The following ALG14 variants were observed in gnomAD, a reference collection of about 807,000 sequenced individuals.
The protein encoded by ALG14 is UDP-N-acetylglucosamine transferase subunit ALG14.
ALG14 carries 17 observed loss-of-function variants against 22.8 expected under a neutral mutation model. The ratio of observed to expected loss-of-function variants is 0.75; its 90% CI spans 0.51 to 1.12. ALG14 has a LOEUF of 1.12. Among genes scored for constraint, ALG14 ranks in the 50% most tolerant of loss-of-function variants. The probability of loss-of-function intolerance (pLI) is 0.00; values close to 1 mark genes in which losing one functional copy is unlikely to be tolerated. For synonymous variants in ALG14, 89 were observed against 103.7 expected, an observed-to-expected ratio of 0.86 and a Z score of 0.86; for missense variants, 288 against 271.8, an observed-to-expected ratio of 1.06 and a Z score of -0.42.
At chr1:95,019,521 G>T (rs1279732475) in intron 3 of ALG14, among the ~76,000 whole-genome samples, 2 of 152,094 alleles carry the variant, frequency 1.3e-5, no homozygotes, top group Non-Finnish European at 2.9e-5. Context: ...TCCTTTTGAA[G>T]AACATTTTAA....
At chr1:95,051,695 C>T (rs985935940) in intron 2 of ALG14, among the ~76,000 whole-genome samples, 7 of 152,170 alleles carry the variant, frequency 4.6e-5, no homozygotes, top group African/African-American at 1.4e-4. Context: ...CATGGACTCT[C>T]GCTATTTTAC....
At chr1:95,007,010 G>T (rs377572334) in intron 3 of ALG14, among the ~76,000 whole-genome samples, 3 of 152,272 alleles carry the variant, frequency 2.0e-5, no homozygotes, top group East Asian at 3.9e-4. Flanking sequence ...ATATATAACT[G>T]TATTTCCTAA....
chr1:95,040,021 T>C (rs925156282), intron 2 of ALG14, among the ~76,000 whole-genome samples: 7 of 151,352 alleles, frequency 4.6e-5, no homozygotes, highest in Non-Finnish European at 1.0e-4. Context: ...AAAAATACAA[T>C]ATTAGCCAGG....
In ALG14 at chr1:94,978,579, G is replaced by A. The variant is rs536200971; in HGVS notation, c.*4497C>T. 2.6e-5 allele frequency: 4 copies of A among 152,318 alleles called. No individual in the cohort carries two copies. In the East Asian group the frequency reaches 5.8e-4, roughly 22 times the overall value. 9.4% of individuals were successfully genotyped at this position (152,318 alleles called of 1,614,324 possible). ...AACTCAGCACTAACCTTTGGTATGG[G>A]TGGCTATGTCACAGAGTTATTTAGA... On this transcript the variant is annotated 3_prime_UTR_variant, in exon 4 of 4. Coordinates refer to ENST00000370205, the MANE Select transcript of ALG14 (RefSeq NM_144988.4).
rs548154730 is a variant in ALG14, at chr1:94,988,072, C to T, written c.421-4766G>A. ...ATGGATGAAGGTAGAGAACTGGAGCCCACTGTCAAAGCTGGGCTGGCTCGG... is the reference window on the plus strand; with the variant it reads ...ATGGATGAAGGTAGAGAACTGGAGCTCACTGTCAAAGCTGGGCTGGCTCGG... On this transcript the variant is annotated intron_variant, in intron 3 of 3. Transcript: ENST00000370205. Among the ~76,000 whole-genome samples the T allele has an allele frequency of 1.2e-4, 18 of 152,240 alleles. No homozygotes were observed. In the South Asian group the frequency reaches 3.7e-3, roughly 32 times the overall value.
rs1361464482 is a variant in ALG14 at position 94,983,030 on chromosome 1, A to G, written c.*46T>C. 1 of 1,548,824 alleles carries G rather than the reference A, an allele frequency of 6.5e-7. No individual in the cohort carries two copies. The stretch of plus-strand genomic sequence containing the variant: ...GTTTTTTTCCCCCCAATTTGAGTAC[A>G]TACTACTGTTAACTGCAAAATTCTA... On this transcript the variant is annotated 3_prime_UTR_variant, in exon 4 of 4. Transcript: ENST00000370205.
At chr1:95,045,459 G>A (rs1178652846) in intron 2 of ALG14, among the ~76,000 whole-genome samples, 1 of 152,028 alleles carries the variant, frequency 6.6e-6, no homozygotes, top group African/African-American at 2.4e-5. Flanking sequence ...GCAAAGCAGT[G>A]TTTTAGGAAG....
In ALG14 at chr1:94,976,008, C is replaced by G. The variant is rs1442741249; in HGVS notation, c.*7068G>C. 1 of 120,496 alleles carries G rather than the reference C, an allele frequency of 8.3e-6. No individual in the cohort carries two copies. The highest frequency in any genetic ancestry group is 9.3e-5 in the Admixed American group (1 of 10,716). 7.5% of individuals were successfully genotyped at this position (120,496 alleles called of 1,614,324 possible). ...CTTCAGCCTGGGCAACAGAGCGAGA[C>G]TCTGTCTCAAAAAAAAAAAAAAAAA... is the stretch of plus-strand genomic sequence containing the variant. On this transcript the variant is annotated 3_prime_UTR_variant, in exon 4 of 4. Coordinates refer to ENST00000370205, the MANE Select transcript of ALG14 (RefSeq NM_144988.4).
At chr1:95,045,544 T>C (rs1349257592) in intron 2 of ALG14, among the ~76,000 whole-genome samples, 1 of 152,078 alleles carries the variant, frequency 6.6e-6, no homozygotes, top group African/African-American at 2.4e-5. Context: ...TGTGTAGAGT[T>C]TGCATATACA....
intron 1 of ALG14, among the ~76,000 whole-genome samples, 156 bp downstream of exon 1, chr1:95,072,607 T>C (rs973431023): frequency 6.6e-6 from 1 of 152,168 alleles, no homozygotes; most frequent in African/African-American, 2.4e-5. Context: ...GCCCCTACCC[T>C]GGCTGGACTG....
intron 2 of ALG14, among the ~76,000 whole-genome samples, chr1:95,063,719 G>A (rs2100838896): frequency 6.6e-6 from 1 of 152,246 alleles, no homozygotes; most frequent in East Asian, 1.9e-4. Context: ...GTAGCATGAT[G>A]CCTCCAGCTT....
chr1:94,989,526 C>G (rs965013732), intron 3 of ALG14, among the ~76,000 whole-genome samples: 1 of 152,104 alleles, frequency 6.6e-6, no homozygotes, highest in African/African-American at 2.4e-5. Context: ...TAGATCTGAC[C>G]AGGAGCTAGT....
intron 2 of ALG14, among the ~76,000 whole-genome samples, chr1:95,043,919 A>G (rs71652602): frequency 6.6e-6 from 1 of 151,824 alleles, no homozygotes; most frequent in Non-Finnish European, 1.5e-5. Flanking sequence ...TGTAGAGTTT[A>G]GGAAACGGTT....
At chr1:95,042,489 A>G (rs1674412150) in intron 2 of ALG14, among the ~76,000 whole-genome samples, 1 of 152,198 alleles carries the variant, frequency 6.6e-6, no homozygotes, top group Admixed American at 6.5e-5. Flanking sequence ...TGAAGTCTTC[A>G]CACTGGAACT....
At chr1:95,036,419 CTTTTTTT>C (rs35068075) in intron 2 of ALG14, among the ~76,000 whole-genome samples, 11 of 71,902 alleles carry the variant, frequency 1.5e-4, no homozygotes, top group East Asian at 9.9e-4. Flanking sequence ...AATTAAACCT[CTTTTTTT>C]TTTTTTTTTT....
chr1:94,986,771 CTTT>C (rs35357830), intron 3 of ALG14, among the ~76,000 whole-genome samples: 17 of 139,698 alleles, frequency 1.2e-4, no homozygotes, highest in Non-Finnish European at 1.2e-4. Flanking sequence ...GCGCCTGGCC[CTTT>C]TTTTTTTTTT....
At chr1:95,039,020 C>T (rs965811216) in intron 2 of ALG14, among the ~76,000 whole-genome samples, 3 of 152,212 alleles carry the variant, frequency 2.0e-5, no homozygotes, top group African/African-American at 7.2e-5. Context: ...CCACGCCCAG[C>T]CAATACATTA....
At chr1:95,063,689 G>A (rs548750094) in intron 2 of ALG14, among the ~76,000 whole-genome samples, 5 of 152,314 alleles carry the variant, frequency 3.3e-5, no homozygotes, top group East Asian at 1.9e-4. Context: ...CTGTAGCCTT[G>A]TAGTATAGTT....
intron 3 of ALG14, among the ~76,000 whole-genome samples, chr1:95,008,989 G>T (rs78161849): frequency 0.012 from 1,893 of 152,106 alleles, 36 homozygotes; most frequent in African/African-American, 0.044. Flanking sequence ...GCATGTATCA[G>T]AATTGCATTT....
Sources: gnomAD v4.1 joint callset for allele counts (sites outside exome capture counted in the v4.1 genomes callset) on GRCh38, gnomAD v4.1.1 for gene constraint, MANE v1.5 for transcripts, NCBI Gene and HGNC (gene_info 2026-07-23, HGNC 2026-07-21) for gene names.